Variants in ARHGEF10 observed in about 807,000 individuals in gnomAD.
The protein encoded by ARHGEF10 is Rho guanine nucleotide exchange factor 10, also known as Rho guanine nucleotide exchange factor (GEF) 10.
Under a neutral mutation model 147.4 loss-of-function variants are expected in ARHGEF10, and 140 were observed. The observed-to-expected ratio is 0.95, with a 90% CI of 0.83 to 1.09. The LOEUF (loss-of-function observed/expected upper bound fraction) is 1.09. Among genes scored for constraint, ARHGEF10 ranks in the 50% least tolerant of loss-of-function variants. ARHGEF10 has a pLI of 0.00. For missense variants in ARHGEF10, 2,222 were observed against 1,752.7 expected (o/e 1.27, Z -4.78); for synonymous variants, 902 against 695.8 (o/e 1.30, Z -4.67).
Position 1,933,926 on chromosome 8 carries a change from A to T in ARHGEF10, c.3206A>T (p.Glu1069Val). 6.2e-7 allele frequency: 1 copy of T among 1,614,174 alleles called. No homozygotes were observed. Among genetic ancestry groups the T allele is most frequent in the Non-Finnish European group, 8.5e-7 (1 of 1,180,030 alleles). Reference sequence around the variant, plus strand: ...GGTCAAGTCTTCATCATCAGTGTGGAGACTCATGCTGTAGAGGTAAGTCAC... The same window carrying T: ...GGTCAAGTCTTCATCATCAGTGTGGTGACTCATGCTGTAGAGGTAAGTCAC... ...SGGQVFIISV[E>V]THAVEGQLEA... Residue 1069 changes from glutamate to valine, a missense_variant, in exon 26 of 29, where the codon GAG becomes GTG. Physicochemically the swap from Glu to Val is moderately radical, Grantham distance 121. Transcript: ENST00000349830.
chr8:1,929,225 G>A (rs1052675612), intron 24 of ARHGEF10, 61 bp from the exon 25 acceptor site: 2 of 1,551,836 alleles, frequency 1.3e-6, no homozygotes, highest in Admixed American at 3.3e-5. Context: ...ATGTTAACAG[G>A]CACCCTCGTT....
At chr8:1,916,705 GA>G (rs1299355455) in intron 18 of ARHGEF10, among the ~76,000 whole-genome samples, 1 of 152,180 alleles carries the variant, frequency 6.6e-6, no homozygotes, top group African/African-American at 2.4e-5. Context: ...TGCTTATAGA[GA>G]AATTCAATTT....
intron 1 of ARHGEF10, among the ~76,000 whole-genome samples, chr8:1,828,049 C>T (rs1012404044): frequency 9.9e-5 from 15 of 152,184 alleles, no homozygotes; most frequent in African/African-American, 3.6e-4. Context: ...TGGGGACTCA[C>T]AGTGGGGGTT....
intron 2 of ARHGEF10, among the ~76,000 whole-genome samples, chr8:1,844,658 T>A (rs920980364): frequency 6.6e-6 from 1 of 152,086 alleles, no homozygotes; most frequent in Non-Finnish European, 1.5e-5. Context: ...GCTTCTCTTC[T>A]GGGGGTGACG....
intron 2 of ARHGEF10, among the ~76,000 whole-genome samples, chr8:1,844,405 A>G: frequency 6.6e-6 from 1 of 151,934 alleles, no homozygotes; most frequent in Admixed American, 6.5e-5. Flanking sequence ...GATGACAGAG[A>G]CGGGAGAATC....
At chr8:1,903,652 A>T (rs1206111510) in intron 16 of ARHGEF10, 7 of 648,320 alleles carry the variant, frequency 1.1e-5, no homozygotes, top group Middle Eastern at 4.1e-4. Context: ...AGCCTGTCTT[A>T]ACAGCATTTT....
At chr8:1,866,684 C>G (rs1252564741) in intron 6 of ARHGEF10, 82 bp downstream of exon 6, 1 of 1,212,166 alleles carries the variant, frequency 8.2e-7, no homozygotes, top group East Asian at 2.3e-5. Flanking sequence ...CCCTGAGTCT[C>G]AGGTCCCATC....
intron 1 of ARHGEF10, 73 bp from the exon 2 acceptor site, chr8:1,843,280 C>T (rs180727131): frequency 3.3e-5 from 40 of 1,195,386 alleles, no homozygotes; most frequent in African/African-American, 1.5e-4. Flanking sequence ...GGTTCTCTGT[C>T]GACAGCCCTA....
At chr8:1,868,413 C>G (rs1247838939) in intron 6 of ARHGEF10, among the ~76,000 whole-genome samples, 1 of 152,142 alleles carries the variant, frequency 6.6e-6, no homozygotes, top group Non-Finnish European at 1.5e-5. Context: ...TGAGTGGAAC[C>G]TCGATTTAAA....
At chr8:1,917,326 G>C (rs527298720) in intron 18 of ARHGEF10, among the ~76,000 whole-genome samples, 2 of 152,180 alleles carry the variant, frequency 1.3e-5, no homozygotes, top group Non-Finnish European at 2.9e-5. Flanking sequence ...TTGTACATTT[G>C]CCTTAATTTA....
chr8:1,912,557 A>G (rs1811447421), intron 18 of ARHGEF10, among the ~76,000 whole-genome samples: 1 of 152,104 alleles, frequency 6.6e-6, no homozygotes, highest in East Asian at 1.9e-4. Flanking sequence ...TGTTAGATTC[A>G]GCAGGGAGCT....
intron 15 of ARHGEF10, among the ~76,000 whole-genome samples, chr8:1,901,353 C>T (rs1810444124): frequency 6.6e-6 from 1 of 152,134 alleles, no homozygotes; most frequent in South Asian, 2.1e-4. Flanking sequence ...CTGCGTTCTT[C>T]CTGGTTAGTG....
intron 17 of ARHGEF10, among the ~76,000 whole-genome samples, chr8:1,906,480 TG>T (rs2129179325): frequency 6.6e-6 from 1 of 152,278 alleles, no homozygotes; most frequent in Non-Finnish European, 1.5e-5. Context: ...GAGAGCCAGC[TG>T]TTAAACGTTT....
chr8:1,876,270 T>G, intron 7 of ARHGEF10: 1 of 462,334 alleles, frequency 2.2e-6, no homozygotes, highest in East Asian at 4.1e-5. Flanking sequence ...GCTGACAAGT[T>G]ACCTGGCATG....
At chr8:1,891,094 C>T (rs554940824) in intron 11 of ARHGEF10, among the ~76,000 whole-genome samples, 2 of 152,270 alleles carry the variant, frequency 1.3e-5, no homozygotes, top group East Asian at 1.9e-4. Context: ...TCAGTGAAGT[C>T]CTGTATAGCA....
At chr8:1,893,706 C>G (rs1809736320) in intron 12 of ARHGEF10, 60 bp downstream of exon 12, 2 of 1,297,164 alleles carry the variant, frequency 1.5e-6, no homozygotes, top group Non-Finnish European at 2.2e-6. Flanking sequence ...TACCTATATA[C>G]ATTTTGATCC....
chr8:1,828,816 C>G (rs1802918466), intron 1 of ARHGEF10, among the ~76,000 whole-genome samples: 3 of 152,168 alleles, frequency 2.0e-5, no homozygotes, highest in Middle Eastern at 3.4e-3. Context: ...GTGGCATGCA[C>G]ACTTACGGTT....
chr8:1,871,907 G>T (rs1033025076), intron 7 of ARHGEF10, among the ~76,000 whole-genome samples: 2 of 151,984 alleles, frequency 1.3e-5, no homozygotes, highest in South Asian at 4.1e-4. Flanking sequence ...GAAGTGGCAG[G>T]AAAAAAATAA....
At position 1,953,643 on chromosome 8, in the gene ARHGEF10, C is replaced by T. The variant is rs950331946; in HGVS notation, c.3520+816C>T. The stretch of plus-strand genomic sequence containing the variant: ...CCACAGCATTTAATTTTTAACAGCA[C>T]GAAACAGGAGGTGACCCGCAGTTCG... On this transcript the variant is annotated intron_variant, in intron 28 of 28. Transcript: ENST00000349830. Among the ~76,000 whole-genome samples, 28 of 63,198 alleles carry T rather than the reference C, an allele frequency of 4.4e-4. 1 individual carries two copies. The highest frequency in any genetic ancestry group is 3.0e-3 in the Admixed American group (19 of 6,430). 41.5% of individuals were successfully genotyped at this position (63,198 alleles called of 152,430 possible). A position where few individuals can be genotyped will look rare whatever the true frequency, so the allele number is the denominator to read the frequency against.
Sources: gnomAD v4.1 joint callset for allele counts (sites outside exome capture counted in the v4.1 genomes callset) on GRCh38, gnomAD v4.1.1 for gene constraint, MANE v1.5 for transcripts, NCBI Gene and HGNC (gene_info 2026-07-23, HGNC 2026-07-21) for gene names.